The following ITPR1 variants were observed in gnomAD, a reference collection of about 807,000 sequenced individuals.
ITPR1 encodes the protein inositol 1,4,5-trisphosphate receptor type 1, also known as inositol 1,4,5-trisphosphate-gated calcium channel ITPR1.
ITPR1 carries 96 observed loss-of-function variants against 318.4 expected under a neutral mutation model. That is an observed-to-expected ratio of 0.30 (90% CI 0.26 to 0.36). The LOEUF is 0.36. Among genes scored for constraint, ITPR1 ranks in the 10% least tolerant of loss-of-function variants. ITPR1 has a pLI of 1.00. For synonymous variants in ITPR1, 1,312 were observed against 1,289.9 expected, an observed-to-expected ratio of 1.02 and a Z score of -0.37; for missense variants, 2,440 against 3,460.2, an observed-to-expected ratio of 0.71 and a Z score of 7.40.
At chr3:4,775,479 T>G (rs757560469) in intron 47 of ITPR1, 37 bp downstream of exon 47, 1 of 1,508,920 alleles carries the variant, frequency 6.6e-7, no homozygotes, top group Non-Finnish European at 9.2e-7. Context: ...GGAAAAAAAG[T>G]GTCCCATTTT....
intron 29 of ITPR1, among the ~76,000 whole-genome samples, chr3:4,684,785 G>A (rs2094362066): frequency 6.6e-6 from 1 of 152,210 alleles, no homozygotes; most frequent in African/African-American, 2.4e-5. Context: ...ACTCTTCCCA[G>A]GGTCTCGGCA....
intron 4 of ITPR1, among the ~76,000 whole-genome samples, chr3:4,531,933 T>A (rs1267242718): frequency 6.6e-6 from 1 of 152,230 alleles, no homozygotes; most frequent in Non-Finnish European, 1.5e-5. Context: ...TCAGATGTAT[T>A]ACTTAACCTG....
At chr3:4,691,012 A>G in intron 31 of ITPR1, 132 bp from the exon 32 acceptor site, 3 of 532,718 alleles carry the variant, frequency 5.6e-6, no homozygotes, top group Non-Finnish European at 9.7e-6. Flanking sequence ...CAAGAATGAG[A>G]GAAACATATC....
chr3:4,684,361 C>T lies in ITPR1; in HGVS notation c.3564+15C>T, dbSNP rs374485243. On this transcript the variant is annotated intron_variant, in intron 29 of 61. Coordinates refer to ENST00000649015, the MANE Select transcript of ITPR1 (RefSeq NM_001378452.1). ...TGGTCAAAGAGGTAAGCTCCTCCCC[C>T]ACCACCATTTTTCCTTTCTTTATGA... 13 of 1,586,738 alleles carry T rather than the reference C, an allele frequency of 8.2e-6. No homozygotes were observed. The highest frequency in any genetic ancestry group is 1.3e-5 in the African/African-American group (1 of 74,472).
intron 31 of ITPR1, among the ~76,000 whole-genome samples, 200 bp from the exon 32 acceptor site, chr3:4,690,944 G>T (rs934934883): frequency 6.6e-6 from 1 of 152,056 alleles, no homozygotes; most frequent in Non-Finnish European, 1.5e-5. Flanking sequence ...TTACTTTTCT[G>T]TATGTTTATT....
chr3:4,581,601 C>G (rs1462645377), intron 4 of ITPR1, among the ~76,000 whole-genome samples: 1 of 152,244 alleles, frequency 6.6e-6, no homozygotes, highest in African/African-American at 2.4e-5. Context: ...AAGCAAACAT[C>G]TATTTTTGCT....
At position 4,739,113 on chromosome 3, in the gene ITPR1, G is replaced by A. The variant is rs192085442; in HGVS notation, c.5544+3759G>A. Among the ~76,000 whole-genome samples, 307 of 152,366 alleles carry A rather than the reference G, an allele frequency of 2.0e-3. 2 individuals carry two copies. The highest frequency in any genetic ancestry group is 7.1e-3 in the African/African-American group (296 of 41,584). ...AGGGTTGTGTCTGGGGCCAGTTAAG[G>A]ACAGGAACCTTGAAGCCCCAGGGGG... On this transcript the variant is annotated intron_variant, in intron 44 of 61. Transcript: ENST00000649015.
chr3:4,620,170 C>G (rs1267079922), intron 4 of ITPR1, among the ~76,000 whole-genome samples: 2 of 152,112 alleles, frequency 1.3e-5, no homozygotes, highest in Non-Finnish European at 2.9e-5. Context: ...GGAGAGAAGC[C>G]TGGCTGGGGT....
intron 40 of ITPR1, among the ~76,000 whole-genome samples, chr3:4,720,428 C>G (rs2042067815): frequency 6.6e-6 from 1 of 152,196 alleles, no homozygotes. Context: ...AAGTGCTGCA[C>G]TAATCAAACG....
At chr3:4,785,510 A>G (rs911657113) in intron 51 of ITPR1, among the ~76,000 whole-genome samples, 2 of 152,222 alleles carry the variant, frequency 1.3e-5, no homozygotes, top group Non-Finnish European at 2.9e-5. Context: ...TCTCTGGGCT[A>G]TCCTAATAAA....
rs776298615 is a variant in ITPR1, at chr3:4,688,461, C to T, written c.3703-34C>T. On this transcript the variant is annotated intron_variant, in intron 30 of 61. Transcript: ENST00000649015. The stretch of plus-strand genomic sequence containing the variant: ...AGGAGAAGCTGGTCTCCTGGCCCAG[C>T]AATCAGTGCTTTCATCTGTCTCCTC... The T allele has an allele frequency of 3.7e-6, 6 of 1,610,142 alleles. No homozygotes were observed. The South Asian group carries it at 4.4e-5, about 12-fold the overall frequency.
intron 4 of ITPR1, among the ~76,000 whole-genome samples, chr3:4,538,220 A>G (rs79186472): frequency 0.022 from 3,311 of 152,324 alleles, 56 homozygotes; most frequent in Non-Finnish European, 0.037. Flanking sequence ...AAACAACCCT[A>G]TTAAAAAGCA....
At chr3:4,804,429 GTC>G (rs2048432755) in intron 54 of ITPR1, among the ~76,000 whole-genome samples, 1 of 152,324 alleles carries the variant, frequency 6.6e-6, no homozygotes, top group Admixed American at 6.5e-5. Flanking sequence ...CACATGAGCT[GTC>G]TCTGTTGAGA....
chr3:4,753,149 C>G (rs1451940816), intron 44 of ITPR1, among the ~76,000 whole-genome samples: 1 of 152,164 alleles, frequency 6.6e-6, no homozygotes, highest in Non-Finnish European at 1.5e-5. Context: ...GTTGGAGGAG[C>G]TGAGTGAAGG....
chr3:4,782,432 G>T, intron 49 of ITPR1, 187 bp from the exon 50 acceptor site: 2 of 467,250 alleles, frequency 4.3e-6, no homozygotes, highest in Non-Finnish European at 3.8e-6. Flanking sequence ...GACAGGAGAG[G>T]TGGATTGGTA....
intron 61 of ITPR1, among the ~76,000 whole-genome samples, chr3:4,840,029 CTTT>C (rs56096727): frequency 8.6e-5 from 9 of 104,904 alleles, no homozygotes; most frequent in African/African-American, 3.6e-4. Flanking sequence ...AGCATAGCTG[CTTT>C]TTTTTTTTTT....
At chr3:4,572,124 T>C (rs1396221374) in intron 4 of ITPR1, among the ~76,000 whole-genome samples, 1 of 152,208 alleles carries the variant, frequency 6.6e-6, no homozygotes, top group Non-Finnish European at 1.5e-5. Flanking sequence ...GGTCCAGTCC[T>C]ATGACTTGAA....
At chr3:4,698,885 C>G (rs1056187859) in intron 34 of ITPR1, among the ~76,000 whole-genome samples, 1 of 152,170 alleles carries the variant, frequency 6.6e-6, no homozygotes, top group African/African-American at 2.4e-5. Flanking sequence ...CTAACCCTCT[C>G]AATGGCAAAT....
At chr3:4,702,527 A>T (rs1363344309) in intron 35 of ITPR1, among the ~76,000 whole-genome samples, 1 of 152,226 alleles carries the variant, frequency 6.6e-6, no homozygotes, top group Non-Finnish European at 1.5e-5. Context: ...GGATAAGAAT[A>T]CCAGTCTTTG....
Sources: gnomAD v4.1 joint callset for allele counts (sites outside exome capture counted in the v4.1 genomes callset) on GRCh38, gnomAD v4.1.1 for gene constraint, MANE v1.5 for transcripts, NCBI Gene and HGNC (gene_info 2026-07-23, HGNC 2026-07-21) for gene names.